The following MYT1L variants were observed in gnomAD, a reference collection of about 807,000 sequenced individuals.
MYT1L encodes the protein myelin transcription factor 1 like, also known as myelin transcription factor 1-like protein.
Under a neutral mutation model 126.7 loss-of-function variants are expected in MYT1L, and 12 were observed. The ratio of observed to expected loss-of-function variants is 0.09; its 90% CI spans 0.06 to 0.15. The LOEUF (loss-of-function observed/expected upper bound fraction) is 0.15, where lower values mean the gene tolerates loss of function less well. Among genes scored for constraint, MYT1L ranks in the 10% least tolerant of loss-of-function variants. The pLI is 1.00. For missense variants in MYT1L, 979 were observed against 1,585.2 expected (o/e 0.62, Z 6.49); for synonymous variants, 541 against 604.2 (o/e 0.90, Z 1.53).
intron 8 of MYT1L, among the ~76,000 whole-genome samples, chr2:1,944,769 A>G (rs746210200): frequency 3.3e-5 from 5 of 152,200 alleles, no homozygotes; most frequent in Non-Finnish European, 7.3e-5. Context: ...ACCATTTTAG[A>G]ACCTCTCACT....
intron 8 of MYT1L, among the ~76,000 whole-genome samples, chr2:1,965,158 G>GAAGA (rs2059246741): frequency 2.7e-5 from 4 of 149,562 alleles, no homozygotes; most frequent in African/African-American, 5.0e-5. Flanking sequence ...GACTTGCAGG[G>GAAGA]ACCAGGCAGG....
chr2:2,257,045 A>G (rs1414234537), intron 2 of MYT1L, among the ~76,000 whole-genome samples: 5 of 152,136 alleles, frequency 3.3e-5, no homozygotes, highest in African/African-American at 4.8e-5. Context: ...TTAGTGAACT[A>G]TGCATTCCTG....
At position 2,217,513 on chromosome 2, in the gene MYT1L, T is replaced by C. The variant is rs141091588; in HGVS notation, c.-420-44525A>G. On this transcript the variant is annotated intron_variant, in intron 2 of 24. Transcript: ENST00000647738. ...GCCTGGCCAACATGGTGAAACCCCA[T>C]CTCTACTAAAAATACAAAAATTAGC... Among the ~76,000 whole-genome samples the C allele has an allele frequency of 3.7e-3, 567 of 151,790 alleles. 3 individuals are homozygous for C. Among genetic ancestry groups the C allele is most frequent in the African/African-American group, 0.013 (541 of 41,356 alleles).
intron 18 of MYT1L, among the ~76,000 whole-genome samples, chr2:1,866,617 G>T: frequency 8.6e-6 from 1 of 116,822 alleles, no homozygotes; most frequent in African/African-American, 3.6e-5. Flanking sequence ...GGGGGAGAGA[G>T]AGAGGCAGAG....
chr2:2,027,720 T>G (rs1207759562), intron 4 of MYT1L, among the ~76,000 whole-genome samples: 1 of 152,156 alleles, frequency 6.6e-6, no homozygotes, highest in African/African-American at 2.4e-5. Flanking sequence ...ACTTAGCGCT[T>G]CCATTACTGG....
intron 18 of MYT1L, among the ~76,000 whole-genome samples, chr2:1,885,969 A>G (rs2048122972): frequency 6.6e-6 from 1 of 152,228 alleles, no homozygotes; most frequent in African/African-American, 2.4e-5. Context: ...CTTAAAAATT[A>G]TAGGCATAGA....
intron 3 of MYT1L, among the ~76,000 whole-genome samples, chr2:2,153,342 G>A (rs953805268): frequency 2.0e-5 from 3 of 152,360 alleles, no homozygotes; most frequent in Admixed American, 2.0e-4. Context: ...TGCTGCATTT[G>A]AGATGTCTCA....
intron 12 of MYT1L, among the ~76,000 whole-genome samples, chr2:1,911,525 A>G (rs1368233): frequency 0.41 from 62,797 of 151,924 alleles, 14,845 homozygotes; most frequent in African/African-American, 0.65. Context: ...GGAGTCCAGA[A>G]TCTATTTCCC....
intron 8 of MYT1L, among the ~76,000 whole-genome samples, chr2:1,965,164 G>A (rs1160171738): frequency 6.7e-6 from 1 of 149,322 alleles, no homozygotes; most frequent in African/African-American, 2.5e-5. Context: ...CAGGGACCAG[G>A]CAGGGAAGAG....
chr2:2,215,864 C>T (rs1455209909), intron 2 of MYT1L, among the ~76,000 whole-genome samples: 1 of 152,068 alleles, frequency 6.6e-6, no homozygotes, highest in East Asian at 1.9e-4. Flanking sequence ...AATTGCATTC[C>T]CCAGTGTTGG....
intron 4 of MYT1L, among the ~76,000 whole-genome samples, chr2:2,043,244 C>T (rs766390324): frequency 1.3e-5 from 2 of 152,160 alleles, no homozygotes; most frequent in African/African-American, 4.8e-5. Flanking sequence ...ACCCCTGCCT[C>T]GGCCACCTAG....
At chr2:2,013,769 C>A (rs981071131) in intron 4 of MYT1L, among the ~76,000 whole-genome samples, 2 of 152,212 alleles carry the variant, frequency 1.3e-5, no homozygotes, top group African/African-American at 4.8e-5. Flanking sequence ...AGGTGGGCTC[C>A]AAGAAGGGGG....
At chr2:2,320,395 G>T (rs2096141049) in intron 1 of MYT1L, among the ~76,000 whole-genome samples, 1 of 151,360 alleles carries the variant, frequency 6.6e-6, no homozygotes, top group East Asian at 1.9e-4. Flanking sequence ...TCATGACATG[G>T]TGCTCATTCA....
At chr2:2,243,332 A>G (rs956060556) in intron 2 of MYT1L, among the ~76,000 whole-genome samples, 5 of 152,242 alleles carry the variant, frequency 3.3e-5, no homozygotes, top group African/African-American at 1.2e-4. Flanking sequence ...AGAGAACAAA[A>G]TGATTTATGT....
rs1228911938 is a variant in MYT1L, at chr2:1,848,390, A to G, written c.2774+3251T>C. 1.3e-5 allele frequency among the ~76,000 whole-genome samples: 2 copies of G among 151,496 alleles called. No homozygotes were observed. The highest frequency in any genetic ancestry group is 2.9e-5 in the Non-Finnish European group (2 of 67,956). On this transcript the variant is annotated intron_variant, in intron 19 of 24. Coordinates refer to ENST00000647738, the MANE Select transcript of MYT1L (RefSeq NM_001303052.2). The surrounding 1 kb of genome is among the most constrained non-coding windows in gnomAD (Gnocchi z 4.8). ...CAGGAGGGAGAATTCCAGACACCAC[A>G]GGTGCGCGAGGCGGATCTGTGCTCT...
rs73188427 is a variant in MYT1L at position 1,929,913 on chromosome 2, C to T, written c.506-6650G>A. Among the ~76,000 whole-genome samples, 6,707 of 152,210 alleles carry T rather than the reference C, an allele frequency of 0.044. 359 individuals carry two copies. Among genetic ancestry groups the T allele is most frequent in the African/African-American group, 0.13 (5,366 of 41,508 alleles). ...AAGCCTTTCCTCTACCTTTCAAAACCGGGACATATTCGGAGGGTCACAACG... is the reference window on the plus strand; with the variant it reads ...AAGCCTTTCCTCTACCTTTCAAAACTGGGACATATTCGGAGGGTCACAACG... On this transcript the variant is annotated intron_variant, in intron 9 of 24. Transcript: ENST00000647738. This position sits in a 1 kb window ranked among gnomAD's most constrained non-coding sequence, Gnocchi z 4.7.
chr2:2,038,085 A>G (rs1405376261), intron 4 of MYT1L, among the ~76,000 whole-genome samples: 1 of 152,250 alleles, frequency 6.6e-6, no homozygotes, highest in African/African-American at 2.4e-5. Flanking sequence ...TCATTTGGAC[A>G]GAAACCTGAG....
chr2:2,292,880 TG>T (rs1348930441), intron 1 of MYT1L, among the ~76,000 whole-genome samples: 1 of 151,342 alleles, frequency 6.6e-6, no homozygotes, highest in Non-Finnish European at 1.5e-5. Flanking sequence ...ATAAGGAGAG[TG>T]GGATAGGAGA....
At chr2:2,185,916 A>G (rs866348145) in intron 2 of MYT1L, among the ~76,000 whole-genome samples, 1,134 of 40,800 alleles carry the variant, frequency 0.028, 1 homozygote, top group Middle Eastern at 0.056. Context: ...GGGCCTTCCC[A>G]AGTCCCGCGT....
Sources: allele counts gnomAD v4.1 joint callset (sites outside exome capture counted in the v4.1 genomes callset), GRCh38; gene constraint gnomAD v4.1.1; non-coding constraint Gnocchi (gnomAD v3.1); transcripts MANE v1.5; gene names NCBI Gene and HGNC (gene_info 2026-07-23, HGNC 2026-07-21).